MOCOS: variants seen among roughly 807,000 people sequenced by gnomAD.
MOCOS encodes the protein human molybdenum cofactor sulfurase.
In MOCOS, 86 loss-of-function variants were observed where a neutral mutation model predicts 83.6. That is an observed-to-expected ratio of 1.03 (90% CI 0.86 to 1.23). The LOEUF (loss-of-function observed/expected upper bound fraction) is 1.23. MOCOS is among the 50% of genes most tolerant of loss of function. The probability of loss-of-function intolerance (pLI) is 0.00; values close to 1 mark genes in which losing one functional copy is unlikely to be tolerated. For missense variants in MOCOS, 1,120 were observed against 1,126.9 expected, an observed-to-expected ratio of 0.99 and a Z score of 0.09; for synonymous variants, 445 against 434.7, an observed-to-expected ratio of 1.02 and a Z score of -0.29.
At chr18:36,242,242 A>G (rs2091586614) in intron 9 of MOCOS, among the ~76,000 whole-genome samples, 2 of 152,180 alleles carry the variant, frequency 1.3e-5, no homozygotes, top group Admixed American at 6.5e-5. Context: ...AGTTCCACAG[A>G]TCTCTAGGGC....
At chr18:36,210,304 G>A (rs1267782766) in intron 6 of MOCOS, among the ~76,000 whole-genome samples, 5 of 151,978 alleles carry the variant, frequency 3.3e-5, no homozygotes, top group African/African-American at 7.3e-5. Context: ...GGGAGATGTC[G>A]GTCCTCACTG....
chr18:36,244,693 CCTGT>C (rs2091596404), intron 9 of MOCOS, among the ~76,000 whole-genome samples: 1 of 152,046 alleles, frequency 6.6e-6, no homozygotes, highest in Non-Finnish European at 1.5e-5. Flanking sequence ...GTCTTGATGA[CCTGT>C]CTAATGCTGT....
intron 9 of MOCOS, among the ~76,000 whole-genome samples, chr18:36,228,224 G>A (rs550485478): frequency 3.9e-5 from 6 of 152,312 alleles, no homozygotes; most frequent in African/African-American, 7.2e-5. Context: ...CTTATACACC[G>A]TTGGTGGGAC....
chr18:36,201,950 G>C (rs185027868), intron 4 of MOCOS, among the ~76,000 whole-genome samples: 2 of 152,252 alleles, frequency 1.3e-5, no homozygotes, highest in East Asian at 3.9e-4. Context: ...TGGCCAATAA[G>C]GGCACCTGAA....
At chr18:36,219,566 C>T (rs759611246) in intron 8 of MOCOS, among the ~76,000 whole-genome samples, 1 of 152,072 alleles carries the variant, frequency 6.6e-6, no homozygotes, top group Non-Finnish European at 1.5e-5. Context: ...GTAATCCCAG[C>T]TACTCAGGAG....
chr18:36,204,133 G>A (rs1000096665), intron 5 of MOCOS, among the ~76,000 whole-genome samples: 9 of 152,288 alleles, frequency 5.9e-5, no homozygotes, highest in Admixed American at 1.3e-4. Context: ...CTCAGTCGTA[G>A]TAAATACATT....
At chr18:36,224,517 G>A (rs1284034537) in intron 9 of MOCOS, among the ~76,000 whole-genome samples, 2 of 152,110 alleles carry the variant, frequency 1.3e-5, no homozygotes, top group Admixed American at 6.5e-5. Flanking sequence ...TTTGTCAAAT[G>A]CTTTTTCTGT....
At chr18:36,209,539 C>G (rs2091446664) in intron 6 of MOCOS, among the ~76,000 whole-genome samples, 1 of 151,564 alleles carries the variant, frequency 6.6e-6, no homozygotes, top group Non-Finnish European at 1.5e-5. Flanking sequence ...CATTCTTATG[C>G]CTTTGCATCC....
chr18:36,195,342 T>C lies in MOCOS; in HGVS notation c.228T>C (p.Thr76=), dbSNP rs373097616. ...TCACTAGTGATCTCATGGAAAACAC[T>C]TATGGTAAAGAAAAACACCTGAAAC... ...ESFTSDLMEN[T]YGNPHSQNIS... Residue 76 remains threonine (T), a synonymous_variant, in exon 2 of 15, where the codon ACT becomes ACC. Coordinates refer to ENST00000261326, the MANE Select transcript of MOCOS (RefSeq NM_017947.4). The C allele has an allele frequency of 1.1e-5, 18 of 1,613,540 alleles. No homozygotes were observed. Among genetic ancestry groups the C allele is most frequent in the Non-Finnish European group, 1.5e-5 (18 of 1,179,584 alleles).
rs756908660 is a variant in MOCOS at position 36,213,403 on chromosome 18, G to A, written c.1256G>A (p.Arg419Gln). 8 of 1,613,980 alleles carry A rather than the reference G, an allele frequency of 5.0e-6. No individual in the cohort carries two copies. In the Admixed American group the frequency reaches 6.7e-5, roughly 13 times the overall value. Residue 419 changes from arginine to glutamine, a missense_variant, in exon 7 of 15, where the codon CGA (arginine) becomes CAA (glutamine). Arg to Gln is a conservative substitution (Grantham distance 43). Transcript: ENST00000261326. ...GCCAGTCTTTACAACATCCACCTGC[G>A]AACTGGCTGCTTCTGTAACACTGGG... ...KMASLYNIHL[R>Q]TGCFCNTGAC...
At chr18:36,234,680 T>C (rs1042234158) in intron 9 of MOCOS, among the ~76,000 whole-genome samples, 13 of 152,136 alleles carry the variant, frequency 8.5e-5, no homozygotes, top group African/African-American at 3.1e-4. Context: ...TCCATTTGTA[T>C]TGTTGTGTTA....
At chr18:36,224,617 C>T (rs1325798253) in intron 9 of MOCOS, among the ~76,000 whole-genome samples, 2 of 152,014 alleles carry the variant, frequency 1.3e-5, no homozygotes, top group East Asian at 3.9e-4. Flanking sequence ...ATCATCCTTA[C>T]ATCCCAGGAA....
intron 13 of MOCOS, among the ~76,000 whole-genome samples, chr18:36,266,416 G>A (rs557214910): frequency 2.6e-5 from 4 of 152,224 alleles, no homozygotes; most frequent in African/African-American, 9.6e-5. Context: ...GATTACAGGT[G>A]TGAGCCACCA....
chr18:36,200,478 G>A (rs1203586579), intron 4 of MOCOS, among the ~76,000 whole-genome samples, 154 bp downstream of exon 4: 1 of 152,162 alleles, frequency 6.6e-6, no homozygotes, highest in East Asian at 1.9e-4. Context: ...GCTCAGATCT[G>A]GGAGGCAGAA....
chr18:36,213,450 A>G lies in MOCOS; in HGVS notation c.1303A>G (p.Ile435Val), dbSNP rs2091462878. ...NTGACQRHLG[I>V]SNEMVRKHFQ... ...TGGGGCCTGCCAGAGGCACCTGGGC[A>G]TAAGCAACGAGATGGTCAGGAAGCA... The change falls in exon 7 of 15, where the codon ATA becomes GTA. Residue 435 changes from isoleucine to valine, a missense_variant. By Grantham distance (29) the Ile-to-Val change is conservative. Coordinates refer to ENST00000261326, the MANE Select transcript of MOCOS (RefSeq NM_017947.4). The G allele has an allele frequency of 1.9e-6, 3 of 1,613,924 alleles. No homozygotes were observed. Among genetic ancestry groups the G allele is most frequent in the East Asian group, 2.2e-5 (1 of 44,880 alleles).
intron 9 of MOCOS, among the ~76,000 whole-genome samples, chr18:36,227,889 A>G (rs937700232): frequency 3.6e-4 from 55 of 152,244 alleles, no homozygotes; most frequent in African/African-American, 1.3e-3. Flanking sequence ...TGATCAACAG[A>G]GTAAACAGAC....
At chr18:36,262,025 G>T (rs536681415) in intron 13 of MOCOS, among the ~76,000 whole-genome samples, 24 of 152,116 alleles carry the variant, frequency 1.6e-4, no homozygotes, top group African/African-American at 5.1e-4. Flanking sequence ...TAAATATAAG[G>T]AAGACTCTTT....
intron 1 of MOCOS, among the ~76,000 whole-genome samples, chr18:36,188,500 TGCAGG>T (rs1333399765): frequency 1.3e-5 from 2 of 152,186 alleles, no homozygotes; most frequent in African/African-American, 4.8e-5. Context: ...GGACTTTGGG[TGCAGG>T]GCTTCATCAA....
Position 36,203,156 on chromosome 18 carries a change from A to C in MOCOS, c.985A>C (p.Lys329Gln), listed in dbSNP as rs751293683. 8 of 1,614,186 alleles carry C rather than the reference A, an allele frequency of 5.0e-6. No individual in the cohort carries two copies. In the South Asian group the frequency reaches 8.8e-5, roughly 18 times the overall value. ...TISFLDVIAL[K>Q]HGFDTLERLT... is the part of the protein sequence containing the mutation. ...CTCATTCCTTGATGTTATCGCGCTAAAACATGGATTTGACACCCTAGAGCG... is the reference window on the plus strand; with the variant it reads ...CTCATTCCTTGATGTTATCGCGCTACAACATGGATTTGACACCCTAGAGCG... The change falls in exon 5 of 15, where the codon AAA becomes CAA. Residue 329 changes from lysine (K) to glutamine (Q), a missense_variant. Physicochemically the swap from Lys to Gln is moderately conservative, Grantham distance 53 (BLOSUM62 1). Coordinates refer to ENST00000261326, the MANE Select transcript of MOCOS (RefSeq NM_017947.4).
Sources: allele counts gnomAD v4.1 joint callset (sites outside exome capture counted in the v4.1 genomes callset), GRCh38; gene constraint gnomAD v4.1.1; transcripts MANE v1.5; gene names NCBI Gene and HGNC (gene_info 2026-07-23, HGNC 2026-07-21).